NPIPB11: variants seen among roughly 807,000 people sequenced by gnomAD.
NPIPB11 encodes nuclear pore complex-interacting protein family member B11.
Under a neutral mutation model 32.8 loss-of-function variants are expected in NPIPB11, and 17 were observed. That is an observed-to-expected ratio of 0.52 (90% CI 0.35 to 0.78). The LOEUF is 0.78. Ranked by LOEUF, NPIPB11 falls within the 30% of genes least tolerant of loss-of-function variation. NPIPB11 has a pLI of 0.01. For synonymous variants in NPIPB11, 209 were observed against 398.4 expected, an observed-to-expected ratio of 0.52 and a Z score of 5.66; for missense variants, 537 against 1,000.4, an observed-to-expected ratio of 0.54 and a Z score of 6.25.
chr16:29,406,225 G>A (rs962055839), upstream of NPIPB11, among the ~76,000 whole-genome samples: 2 of 152,260 alleles, frequency 1.3e-5, no homozygotes. Context: ...TAGATTAAAT[G>A]GGCAGGCATT....
intron 2 of NPIPB11, among the ~76,000 whole-genome samples, chr16:29,401,064 G>A (rs1376374037): frequency 6.6e-6 from 1 of 152,084 alleles, no homozygotes; most frequent in Non-Finnish European, 1.5e-5. Context: ...GAACAAAGAG[G>A]AAGAATCAGG....
At chr16:29,389,391 A>T (rs907461095) in intron 5 of NPIPB11, among the ~76,000 whole-genome samples, 1 of 109,944 alleles carries the variant, frequency 9.1e-6, no homozygotes, top group African/African-American at 4.0e-5. Context: ...AAAAAAAAAA[A>T]GGCTGGCTGT....
At chr16:29,400,187 C>A (rs1250037330) in intron 2 of NPIPB11, among the ~76,000 whole-genome samples, 1 of 148,672 alleles carries the variant, frequency 6.7e-6, no homozygotes, top group South Asian at 2.2e-4. Context: ...GCAGAGAGTA[C>A]TATAATGTCC....
At chr16:29,397,536 G>A (rs1963887829) in intron 2 of NPIPB11, 11 of 1,515,552 alleles carry the variant, frequency 7.3e-6, no homozygotes, top group African/African-American at 1.4e-5. Flanking sequence ...CAGTAAAAAG[G>A]AAGAAACCCC....
chr16:29,394,009 A>C, exon 3 of NPIPB11: 1 of 1,599,552 alleles, frequency 6.3e-7, no homozygotes, highest in Non-Finnish European at 8.5e-7. Flanking sequence ...CGCAATAATA[A>C]TATGTAACCA....
At chr16:29,396,049 T>C (rs1443638080) in intron 2 of NPIPB11, among the ~76,000 whole-genome samples, 42 of 148,916 alleles carry the variant, frequency 2.8e-4, no homozygotes, top group African/African-American at 9.8e-4. Context: ...TCTCTAAGAT[T>C]GTTGATATTA....
intron 5 of NPIPB11, 66 bp downstream of exon 5, chr16:29,389,869 AGGACTT>A (rs1351149559): frequency 1.3e-6 from 2 of 1,571,284 alleles, no homozygotes; most frequent in African/African-American, 2.7e-5. Context: ...AATATTCTCA[AGGACTT>A]TACAGTTGTC....
chr16:29,406,169 T>C (rs1964108347), upstream of NPIPB11, among the ~76,000 whole-genome samples: 3 of 152,388 alleles, frequency 2.0e-5, no homozygotes, highest in East Asian at 3.9e-4. Context: ...GTCTAAAGAA[T>C]GTATCTCTCA....
chr16:29,405,242 G>T (rs199900182), upstream of NPIPB11, among the ~76,000 whole-genome samples: 6,246 of 151,870 alleles, frequency 0.041, 185 homozygotes, highest in South Asian at 0.065. Flanking sequence ...AATCGATATT[G>T]TAGGACAATG....
At chr16:29,405,289 A>G (rs1596686951), upstream of NPIPB11, among the ~76,000 whole-genome samples, 1 of 151,502 alleles carries the variant, frequency 6.6e-6, no homozygotes, top group African/African-American at 2.4e-5. Flanking sequence ...AATCTTCCCC[A>G]CCTCCTTTTC....
intron 2 of NPIPB11, among the ~76,000 whole-genome samples, chr16:29,402,038 A>C (rs1596684725): frequency 6.6e-6 from 1 of 151,624 alleles, no homozygotes. Context: ...AGACACACGT[A>C]GGTTTCAGTT....
At chr16:29,392,018 G>A (rs925471406) in intron 3 of NPIPB11, among the ~76,000 whole-genome samples, 4 of 151,986 alleles carry the variant, frequency 2.6e-5, no homozygotes, top group Admixed American at 2.6e-4. Flanking sequence ...ACCACACCTG[G>A]CCTGAAATAA....
upstream of NPIPB11, among the ~76,000 whole-genome samples, chr16:29,405,514 T>A (rs568229201): frequency 3.0e-3 from 450 of 152,260 alleles, 16 homozygotes; most frequent in South Asian, 0.091. Context: ...CACACATTAT[T>A]ACACTTAAAC....
At chr16:29,397,219 T>C (rs962824047) in intron 2 of NPIPB11, among the ~76,000 whole-genome samples, 5 of 150,666 alleles carry the variant, frequency 3.3e-5, no homozygotes, top group African/African-American at 1.2e-4. Flanking sequence ...AAATGACATT[T>C]CACTTTGTTT....
chr16:29,405,307 C>T (rs1223927033), upstream of NPIPB11, among the ~76,000 whole-genome samples: 1 of 151,626 alleles, frequency 6.6e-6, no homozygotes, highest in Non-Finnish European at 1.5e-5. Context: ...TTCTGCCCTC[C>T]AAGACTGCCA....
chr16:29,389,681 A>G (rs2142123385), intron 5 of NPIPB11, among the ~76,000 whole-genome samples: 1 of 103,120 alleles, frequency 9.7e-6, no homozygotes, highest in Admixed American at 9.5e-5. Context: ...AAAAAAAAAA[A>G]AAAAAAAAAA....
intron 5 of NPIPB11, among the ~76,000 whole-genome samples, chr16:29,389,367 TAAAAAA>T (rs1175211779): frequency 1.2e-4 from 7 of 58,634 alleles, no homozygotes; most frequent in East Asian, 1.1e-3. Context: ...ATCTCAAAAT[TAAAAAA>T]AAAAAAAAAA....
intron 2 of NPIPB11, among the ~76,000 whole-genome samples, chr16:29,402,505 G>A (rs1280614305): frequency 4.3e-5 from 4 of 92,452 alleles, no homozygotes; most frequent in African/African-American, 1.2e-4. Flanking sequence ...GAGTTGACAC[G>A]AGCCTGGCCA....
intron 3 of NPIPB11, among the ~76,000 whole-genome samples, chr16:29,391,140 G>A (rs1480926758): frequency 7.1e-6 from 1 of 141,322 alleles, no homozygotes; most frequent in African/African-American, 2.7e-5. Flanking sequence ...GGTGATGCAC[G>A]CCTGTAGTCC....
Sources: gnomAD v4.1 joint callset for allele counts (sites outside exome capture counted in the v4.1 genomes callset) on GRCh38, gnomAD v4.1.1 for gene constraint, MANE v1.5 for transcripts, NCBI Gene and HGNC (gene_info 2026-07-23, HGNC 2026-07-21) for gene names.